PPP6R1: variants seen among roughly 807,000 people sequenced by gnomAD.
PPP6R1 encodes serine/threonine-protein phosphatase 6 regulatory subunit 1.
PPP6R1 carries 39 observed loss-of-function variants against 104.6 expected under a neutral mutation model. The observed-to-expected ratio is 0.37, with a 90% confidence interval of 0.29 to 0.49. The LOEUF (loss-of-function observed/expected upper bound fraction) is 0.49. Among genes scored for constraint, PPP6R1 ranks in the 20% least tolerant of loss-of-function variants. PPP6R1 has a pLI of 0.98. For synonymous variants in PPP6R1, 549 were observed against 479.0 expected, an observed-to-expected ratio of 1.15 and a Z score of -1.91; for missense variants, 1,181 against 1,155.8, an observed-to-expected ratio of 1.02 and a Z score of -0.32.
chr19:55,247,133 G>A (rs746706860), intron 1 of PPP6R1, 24 bp from the exon 2 acceptor site: 14 of 1,604,460 alleles, frequency 8.7e-6, no homozygotes, highest in South Asian at 3.3e-5. Context: ...CACAACCAGC[G>A]CCGCGTCAGA....
intron 17 of PPP6R1, among the ~76,000 whole-genome samples, chr19:55,235,232 A>G (rs2087386135): frequency 6.6e-6 from 1 of 151,734 alleles, no homozygotes; most frequent in Admixed American, 6.6e-5. Flanking sequence ...ACAATGTAAC[A>G]TTTGCACTAA....
intron 17 of PPP6R1, among the ~76,000 whole-genome samples, chr19:55,235,840 CTTT>C (rs1196377498): frequency 1.3e-4 from 15 of 113,022 alleles, no homozygotes; most frequent in Middle Eastern, 6.6e-3. Context: ...TTTGTTGATT[CTTT>C]TTTTTTTTTT....
intron 1 of PPP6R1, among the ~76,000 whole-genome samples, chr19:55,253,313 C>T (rs2087567956): frequency 6.6e-6 from 1 of 152,260 alleles, no homozygotes; most frequent in Non-Finnish European, 1.5e-5. Flanking sequence ...GGTCTCTAAA[C>T]AACAGGCAGA....
downstream of PPP6R1, chr19:55,228,251 C>T: frequency 6.2e-7 from 1 of 1,612,632 alleles, no homozygotes; most frequent in Middle Eastern, 1.7e-4. Context: ...CACACAAGGG[C>T]TCCCTGGAGG....
chr19:55,245,226 G>GCCCAGCCC lies in PPP6R1; in HGVS notation c.552+31_552+38dup. ...CGAGGGATGCATCGCTGTCCACCACGCCCAGCCCCCCACCCCCAGAGGAGC... is the reference window on the plus strand; with the variant it reads ...CGAGGGATGCATCGCTGTCCACCACGCCCAGCCCCCCAGCCCCCCACCCCCAGAGGAGC... On this transcript the variant is annotated intron_variant, in intron 4 of 23. Coordinates refer to ENST00000412770, the MANE Select transcript of PPP6R1 (RefSeq NM_014931.4). The surrounding 1 kb of genome is among the most constrained non-coding windows in gnomAD (Gnocchi z 6.4). The GCCCAGCCC allele has an allele frequency of 6.2e-7, 1 of 1,604,256 alleles. No individual in the cohort carries two copies. The highest frequency in any genetic ancestry group is 1.3e-5 in the African/African-American group (1 of 74,872).
chr19:55,251,024 C>T (rs138597092), intron 1 of PPP6R1, among the ~76,000 whole-genome samples: 8 of 152,316 alleles, frequency 5.3e-5, no homozygotes, highest in South Asian at 2.1e-4. Flanking sequence ...TCTACCCCAG[C>T]GACTTTGTCC....
intron 17 of PPP6R1, among the ~76,000 whole-genome samples, chr19:55,234,171 T>C (rs1239083917): frequency 4.6e-5 from 7 of 152,154 alleles, no homozygotes; most frequent in Non-Finnish European, 1.0e-4. Context: ...GGTCTCAAAC[T>C]CCTGACCTCA....
intron 1 of PPP6R1, among the ~76,000 whole-genome samples, chr19:55,251,301 C>G (rs1384471655): frequency 2.0e-5 from 3 of 152,212 alleles, no homozygotes; most frequent in Non-Finnish European, 4.4e-5. Flanking sequence ...AGGGCAGCAC[C>G]TAGCATGGAA....
At chr19:55,243,073 G>T (rs954247401) in intron 5 of PPP6R1, among the ~76,000 whole-genome samples, 2 of 152,124 alleles carry the variant, frequency 1.3e-5, no homozygotes, top group African/African-American at 4.8e-5. Flanking sequence ...TGGAGAAAGG[G>T]TCTCGGCTGG....
At chr19:55,228,463 C>A, downstream of PPP6R1, 8 of 1,607,016 alleles carry the variant, frequency 5.0e-6, no homozygotes, top group African/African-American at 1.3e-5. Context: ...AGCTACTGAG[C>A]CGAAACCCAG....
At chr19:55,238,441 C>T (rs186389740) in intron 15 of PPP6R1, among the ~76,000 whole-genome samples, 5 of 152,328 alleles carry the variant, frequency 3.3e-5, no homozygotes, top group Admixed American at 2.0e-4. Context: ...AGCCATCCAG[C>T]TCCCACACAC....
chr19:55,238,503 C>T (rs1011394780), intron 15 of PPP6R1, among the ~76,000 whole-genome samples: 3 of 151,834 alleles, frequency 2.0e-5, no homozygotes, highest in Admixed American at 6.6e-5. Flanking sequence ...ATGAGCTCAT[C>T]GTGGGGAGCA....
chr19:55,228,417 C>G (rs754750858), downstream of PPP6R1: 1 of 1,612,794 alleles, frequency 6.2e-7, no homozygotes, highest in South Asian at 1.1e-5. Flanking sequence ...AGGGGCTCAG[C>G]CACCTGCAGA....
At chr19:55,257,216 T>C (rs2087599985) in intron 1 of PPP6R1, among the ~76,000 whole-genome samples, 1 of 151,984 alleles carries the variant, frequency 6.6e-6, no homozygotes, top group Admixed American at 6.6e-5. Flanking sequence ...CAAGTCCTCA[T>C]CCTGTGTTAT....
intron 1 of PPP6R1, among the ~76,000 whole-genome samples, chr19:55,250,447 C>T (rs1445675867): frequency 5.9e-5 from 9 of 152,148 alleles, no homozygotes; most frequent in Admixed American, 3.3e-4. Flanking sequence ...CCCGCTGAGC[C>T]GGCTCCAGCA....
chr19:55,240,350 T>C (rs774563485), intron 10 of PPP6R1, 50 bp from the exon 11 acceptor site: 1 of 1,507,754 alleles, frequency 6.6e-7, no homozygotes, highest in Non-Finnish European at 9.0e-7. Context: ...TGCACACATG[T>C]GGGGAGCTCT....
chr19:55,240,666 C>A (rs993727968), intron 10 of PPP6R1, among the ~76,000 whole-genome samples: 2 of 152,114 alleles, frequency 1.3e-5, no homozygotes, highest in Non-Finnish European at 2.9e-5. Context: ...CATGCTCACA[C>A]ACGCACGTGT....
In PPP6R1 at chr19:55,239,693, G is replaced by C. The variant is rs777654061; in HGVS notation, c.1564-10C>G. 6.2e-6 allele frequency: 10 copies of C among 1,607,380 alleles called. No homozygotes were observed. The East Asian group carries it at 2.0e-4, about 32-fold the overall frequency. On this transcript the variant is annotated splice_polypyrimidine_tract_variant and intron_variant, in intron 13 of 23. Coordinates refer to ENST00000412770, the MANE Select transcript of PPP6R1 (RefSeq NM_014931.4). ...GGTGGTGGGTGTTCACCTGGGGAGA[G>C]GAGGGGGCGTCAGGGCCTGCTGGAG...
chr19:55,240,176 C>A, intron 11 of PPP6R1, 60 bp downstream of exon 11: 1 of 1,562,038 alleles, frequency 6.4e-7, no homozygotes, highest in Non-Finnish European at 8.7e-7. Flanking sequence ...CCAGCCCCAG[C>A]CCGGCCCCCC....
Sources: gnomAD v4.1 joint callset for allele counts (sites outside exome capture counted in the v4.1 genomes callset) on GRCh38, gnomAD v4.1.1 for gene constraint, Gnocchi (gnomAD v3.1) non-coding constraint, MANE v1.5 for transcripts, NCBI Gene and HGNC (gene_info 2026-07-23, HGNC 2026-07-21) for gene names.